NEK11: variants seen among roughly 807,000 people sequenced by gnomAD.
NEK11 encodes serine/threonine-protein kinase Nek11.
In NEK11, 72 loss-of-function variants were observed where a neutral mutation model predicts 80.7. That is an observed-to-expected ratio of 0.89 (90% CI 0.74 to 1.08). NEK11 has a LOEUF of 1.08. NEK11 is among the 50% of genes least tolerant of loss of function. The pLI is 0.00. For missense variants in NEK11, 764 were observed against 763.6 expected, an observed-to-expected ratio of 1.00 and a Z score of -0.01; for synonymous variants, 251 against 260.7, an observed-to-expected ratio of 0.96 and a Z score of 0.36.
chr3:131,257,904 G>A (rs567695434), intron 16 of NEK11, among the ~76,000 whole-genome samples: 1 of 152,020 alleles, frequency 6.6e-6, no homozygotes, highest in East Asian at 1.9e-4. Context: ...GCAAAAATAT[G>A]GAACCAGCAT....
At chr3:131,228,196 T>C (rs571821393) in intron 14 of NEK11, among the ~76,000 whole-genome samples, 73 of 152,320 alleles carry the variant, frequency 4.8e-4, no homozygotes, top group African/African-American at 1.7e-3. Flanking sequence ...TGTCCTACCT[T>C]TGCCCCTAAA....
chr3:131,074,808 T>A (rs78037059), intron 3 of NEK11, among the ~76,000 whole-genome samples: 1,537 of 152,312 alleles, frequency 0.01, 18 homozygotes, highest in East Asian at 0.073. Flanking sequence ...AGGTTAGGAA[T>A]CCTACTGCCC....
chr3:131,165,025 A>G (rs964575718), intron 11 of NEK11, among the ~76,000 whole-genome samples: 1 of 152,200 alleles, frequency 6.6e-6, no homozygotes, highest in Non-Finnish European at 1.5e-5. Context: ...ATTTCCTCAT[A>G]AATCCTTTGA....
At chr3:131,249,565 G>A (rs1380006666) in intron 16 of NEK11, among the ~76,000 whole-genome samples, 1 of 152,102 alleles carries the variant, frequency 6.6e-6, no homozygotes, top group African/African-American at 2.4e-5. Context: ...GTGATGTGAT[G>A]TGATGAAAAC....
At chr3:131,227,918 A>G (rs2095244706) in intron 14 of NEK11, among the ~76,000 whole-genome samples, 1 of 152,164 alleles carries the variant, frequency 6.6e-6, no homozygotes, top group Non-Finnish European at 1.5e-5. Context: ...CTTTTTTAAA[A>G]TAAGTGCTGA....
intron 14 of NEK11, among the ~76,000 whole-genome samples, chr3:131,191,829 T>C (rs1321974075): frequency 2.0e-5 from 3 of 151,840 alleles, no homozygotes; most frequent in Non-Finnish European, 4.4e-5. Context: ...TTAAAATAGA[T>C]CAAAAACCTA....
chr3:131,296,348 C>T (rs1476985190), intron 17 of NEK11, among the ~76,000 whole-genome samples: 1 of 152,036 alleles, frequency 6.6e-6, no homozygotes. Flanking sequence ...ATTATTAGAA[C>T]AGGTTGTCTG....
chr3:131,171,951 G>C (rs761665530), intron 14 of NEK11, among the ~76,000 whole-genome samples: 1 of 152,184 alleles, frequency 6.6e-6, no homozygotes, highest in Non-Finnish European at 1.5e-5. Flanking sequence ...GTTACTTTTA[G>C]AGAAAATGCT....
At chr3:131,328,067 T>C (rs1201126812) in intron 17 of NEK11, among the ~76,000 whole-genome samples, 1 of 152,050 alleles carries the variant, frequency 6.6e-6, no homozygotes, top group Non-Finnish European at 1.5e-5. Context: ...GAAGACTGCT[T>C]GAGGCTAGGA....
chr3:131,119,319 A>G (rs1276157549), intron 5 of NEK11, among the ~76,000 whole-genome samples: 1 of 152,200 alleles, frequency 6.6e-6, no homozygotes, highest in Non-Finnish European at 1.5e-5. Context: ...GTTTGATTGC[A>G]CGGTGGTCTG....
intron 17 of NEK11, among the ~76,000 whole-genome samples, chr3:131,319,647 A>G (rs1180576563): frequency 6.6e-6 from 1 of 152,184 alleles, no homozygotes; most frequent in Non-Finnish European, 1.5e-5. Flanking sequence ...TGACTGTGAC[A>G]AGGAAGTAGA....
chr3:131,328,209 A>G (rs749508963), intron 17 of NEK11, among the ~76,000 whole-genome samples: 1 of 152,020 alleles, frequency 6.6e-6, no homozygotes, highest in Non-Finnish European at 1.5e-5. Flanking sequence ...AGGATCACTT[A>G]AGCCTGGGAG....
intron 14 of NEK11, among the ~76,000 whole-genome samples, chr3:131,213,093 C>T: frequency 6.6e-6 from 1 of 152,084 alleles, no homozygotes; most frequent in Non-Finnish European, 1.5e-5. Flanking sequence ...CAGCCTGTTG[C>T]CCTACCCTCA....
intron 17 of NEK11, among the ~76,000 whole-genome samples, chr3:131,282,397 GTGA>G (rs1471248750): frequency 7.1e-6 from 1 of 140,484 alleles, no homozygotes; most frequent in African/African-American, 3.2e-5. Flanking sequence ...GAGGGGTAAG[GTGA>G]TCTTCTTCAT....
intron 17 of NEK11, among the ~76,000 whole-genome samples, chr3:131,333,498 A>G (rs1263473379): frequency 6.6e-6 from 1 of 152,236 alleles, no homozygotes; most frequent in Non-Finnish European, 1.5e-5. Context: ...AACCGGTACC[A>G]GCCACTGCAA....
At chr3:131,049,768 A>T (rs1013271863) in intron 3 of NEK11, among the ~76,000 whole-genome samples, 1 of 152,162 alleles carries the variant, frequency 6.6e-6, no homozygotes, top group African/African-American at 2.4e-5. Context: ...AATTTGCCAG[A>T]TATTGTTCAA....
intron 15 of NEK11, 86 bp from the exon 16 acceptor site, chr3:131,243,350 C>A: frequency 7.7e-7 from 1 of 1,292,624 alleles, no homozygotes; most frequent in Non-Finnish European, 1.1e-6. Context: ...TTTTTTTCGC[C>A]TAAATGTAGT....
intron 7 of NEK11, among the ~76,000 whole-genome samples, chr3:131,148,253 C>T (rs771719948): frequency 4.0e-5 from 6 of 151,572 alleles, no homozygotes; most frequent in Admixed American, 6.6e-5. Flanking sequence ...TTTAATATGT[C>T]GTATTCTATT....
chr3:131,138,611 C>T (rs766755077), intron 7 of NEK11, among the ~76,000 whole-genome samples: 3 of 152,070 alleles, frequency 2.0e-5, no homozygotes, highest in Non-Finnish European at 4.4e-5. Flanking sequence ...GACCTGGTGC[C>T]ACTACAGTCC....
Sources: gnomAD v4.1 joint callset for allele counts (sites outside exome capture counted in the v4.1 genomes callset) on GRCh38, gnomAD v4.1.1 for gene constraint, MANE v1.5 for transcripts, NCBI Gene and HGNC (gene_info 2026-07-23, HGNC 2026-07-21) for gene names.